Variants in CADPS2 observed in about 807,000 individuals in gnomAD.
CADPS2 encodes calcium-dependent secretion activator 2.
A neutral mutation model predicts 172.5 loss-of-function variants in CADPS2; 93 were observed. The ratio of observed to expected loss-of-function variants is 0.54; its 90% confidence interval spans 0.46 to 0.64. The LOEUF (loss-of-function observed/expected upper bound fraction) is 0.64. Ranked by LOEUF, CADPS2 falls within the 30% of genes least tolerant of loss-of-function variation. The pLI, the probability that CADPS2 is intolerant of heterozygous loss-of-function variation, is 0.00. For missense variants in CADPS2, 1,420 were observed against 1,565.9 expected (o/e 0.91, Z 1.57); for synonymous variants, 546 against 555.2 (o/e 0.98, Z 0.23).
chr7:122,808,673 T>C (rs143466544), intron 1 of CADPS2, among the ~76,000 whole-genome samples: 1 of 152,346 alleles, frequency 6.6e-6, no homozygotes, highest in East Asian at 1.9e-4. Context: ...TATAGTACCC[T>C]TATGGCTTTT....
intron 2 of CADPS2, among the ~76,000 whole-genome samples, chr7:122,729,932 T>A (rs974511187): frequency 9.9e-5 from 15 of 151,712 alleles, no homozygotes; most frequent in Admixed American, 2.0e-4. Flanking sequence ...TTTATAATCA[T>A]GAAAACAGAA....
intron 25 of CADPS2, among the ~76,000 whole-genome samples, chr7:122,367,230 T>G (rs909102253): frequency 6.6e-6 from 1 of 152,192 alleles, no homozygotes; most frequent in Non-Finnish European, 1.5e-5. Flanking sequence ...CAGATTTATC[T>G]TCTATCTATC....
intron 6 of CADPS2, among the ~76,000 whole-genome samples, chr7:122,589,577 A>G (rs926092665): frequency 4.6e-5 from 7 of 151,944 alleles, no homozygotes; most frequent in Non-Finnish European, 1.5e-5. Flanking sequence ...GACTCAGTGA[A>G]AAATGACGAA....
chr7:122,444,836 T>A (rs938934227), intron 15 of CADPS2, among the ~76,000 whole-genome samples: 4 of 152,160 alleles, frequency 2.6e-5, no homozygotes, highest in African/African-American at 9.7e-5. Context: ...ATTTATGAAT[T>A]ATGATTATGT....
At chr7:122,636,395 C>A (rs2077062797) in intron 3 of CADPS2, among the ~76,000 whole-genome samples, 1 of 148,952 alleles carries the variant, frequency 6.7e-6, no homozygotes, top group South Asian at 2.1e-4. Context: ...GTTGGAATTT[C>A]TTTTCTTTAA....
intron 28 of CADPS2, among the ~76,000 whole-genome samples, chr7:122,327,586 T>C (rs1003283972): frequency 2.0e-5 from 3 of 152,096 alleles, no homozygotes; most frequent in African/African-American, 7.2e-5. Context: ...AATTACTCTA[T>C]ATGCATCTTT....
chr7:122,537,070 C>G (rs962466324), intron 8 of CADPS2, among the ~76,000 whole-genome samples: 7 of 151,708 alleles, frequency 4.6e-5, no homozygotes, highest in African/African-American at 9.7e-5. Flanking sequence ...TAACTATTTA[C>G]TAGGCTTAAT....
chr7:122,882,617 C>CT (rs35781696), intron 1 of CADPS2, among the ~76,000 whole-genome samples: 57,960 of 136,820 alleles, frequency 0.42, 13,387 homozygotes, highest in African/African-American at 0.65. Context: ...CCAAGGAACC[C>CT]TTTTTTTTTT....
At chr7:122,340,589 C>A (rs758660586) in intron 28 of CADPS2, among the ~76,000 whole-genome samples, 8 of 152,130 alleles carry the variant, frequency 5.3e-5, no homozygotes, top group Non-Finnish European at 1.2e-4. Context: ...AAAAATCACC[C>A]CTTTCCAGCC....
At chr7:122,631,503 T>A (rs763015796) in intron 3 of CADPS2, among the ~76,000 whole-genome samples, 26 of 152,224 alleles carry the variant, frequency 1.7e-4, no homozygotes, top group Non-Finnish European at 3.5e-4. Flanking sequence ...TGTCTTGAAC[T>A]CCTGGGCTCA....
chr7:122,470,018 T>C (rs1007118307), intron 14 of CADPS2, among the ~76,000 whole-genome samples: 2 of 152,166 alleles, frequency 1.3e-5, no homozygotes, highest in Admixed American at 6.5e-5. Context: ...TTTTTTGCGG[T>C]AAAATTTTGT....
At chr7:122,795,648 G>A (rs1360997463) in intron 1 of CADPS2, among the ~76,000 whole-genome samples, 1 of 151,946 alleles carries the variant, frequency 6.6e-6, no homozygotes, top group Non-Finnish European at 1.5e-5. Flanking sequence ...AAAAACTTTC[G>A]ATAAAATTCA....
chr7:122,676,567 CAATT>C (rs956940682), intron 2 of CADPS2: 21 of 772,584 alleles, frequency 2.7e-5, no homozygotes, highest in Admixed American at 1.6e-4. Context: ...CTGTTAGCCC[CAATT>C]AAATATCCAC....
intron 12 of CADPS2, 58 bp from the exon 13 acceptor site, chr7:122,474,575 T>C (rs754359930): frequency 5.9e-6 from 9 of 1,533,618 alleles, no homozygotes; most frequent in African/African-American, 1.4e-5. Flanking sequence ...ATGATGGACA[T>C]ACAAGTTGTG....
intron 6 of CADPS2, among the ~76,000 whole-genome samples, chr7:122,591,022 T>G (rs900707744): frequency 2.0e-5 from 3 of 151,814 alleles, no homozygotes; most frequent in East Asian, 3.9e-4. Flanking sequence ...TGACATACTA[T>G]AAAAGTATCT....
chr7:122,857,517 G>A (rs1178061197), intron 1 of CADPS2, among the ~76,000 whole-genome samples: 1 of 152,128 alleles, frequency 6.6e-6, no homozygotes, highest in African/African-American at 2.4e-5. Context: ...CTAAGGGCAG[G>A]GACTTGCAAT....
chr7:122,415,708 C>A (rs564362630), intron 18 of CADPS2, among the ~76,000 whole-genome samples: 1 of 152,034 alleles, frequency 6.6e-6, no homozygotes, highest in East Asian at 1.9e-4. Context: ...AGGGTCACTG[C>A]AAGCCCTCTT....
At chr7:122,784,300 T>C (rs1461820062) in intron 1 of CADPS2, among the ~76,000 whole-genome samples, 4 of 152,218 alleles carry the variant, frequency 2.6e-5, no homozygotes, top group African/African-American at 7.2e-5. Flanking sequence ...TGTTTACTTT[T>C]AGATTTTTGA....
intron 27 of CADPS2, among the ~76,000 whole-genome samples, chr7:122,356,088 A>G (rs1321095797): frequency 6.6e-6 from 1 of 152,196 alleles, no homozygotes; most frequent in African/African-American, 2.4e-5. Context: ...TATTAACTGA[A>G]GTGTGAGCTT....
Sources: gnomAD v4.1 joint callset for allele counts (sites outside exome capture counted in the v4.1 genomes callset) on GRCh38, gnomAD v4.1.1 for gene constraint, MANE v1.5 for transcripts, NCBI Gene and HGNC (gene_info 2026-07-23, HGNC 2026-07-21) for gene names.